The following CNGA1 variants were observed in gnomAD, a reference collection of about 807,000 sequenced individuals.
CNGA1 encodes cyclic nucleotide gated channel subunit alpha 1.
CNGA1 carries 53 observed loss-of-function variants against 69.7 expected under a neutral mutation model. That is an observed-to-expected ratio of 0.76 (90% CI 0.61 to 0.96). The LOEUF (loss-of-function observed/expected upper bound fraction) is 0.96, where lower values mean the gene tolerates loss of function less well. Among genes scored for constraint, CNGA1 ranks in the 40% least tolerant of loss-of-function variants. The pLI is 0.00. For synonymous variants in CNGA1, 249 were observed against 283.5 expected, an observed-to-expected ratio of 0.88 and a Z score of 1.22; for missense variants, 739 against 811.2, an observed-to-expected ratio of 0.91 and a Z score of 1.08.
intron 2 of CNGA1, among the ~76,000 whole-genome samples, chr4:47,996,897 C>A (rs189060572): frequency 7.9e-4 from 120 of 151,980 alleles, no homozygotes; most frequent in African/African-American, 2.4e-3. Flanking sequence ...TGCATCCCTA[C>A]GAAAATTTAA....
chr4:47,971,579 C>T (rs1026838939), intron 3 of CNGA1, among the ~76,000 whole-genome samples: 24 of 151,986 alleles, frequency 1.6e-4, no homozygotes, highest in African/African-American at 5.3e-4. Context: ...AAAAATAAAA[C>T]TTTATATTTA....
In CNGA1 at chr4:47,951,475, G is replaced by C; in HGVS notation, c.108-6C>G. On this transcript the variant is annotated splice_polypyrimidine_tract_variant and splice_region_variant and intron_variant, in intron 4 of 10. Coordinates refer to ENST00000514170, the MANE Select transcript of CNGA1 (RefSeq NM_001379270.1). ...CATCATCCTCAGAAAAGGAGCTACA[G>C]TCCAATAGGAGGCAGAGAGAGAAGA... 6.4e-7 allele frequency: 1 copy of C among 1,571,916 alleles called. No individual in the cohort carries two copies. The highest frequency in any genetic ancestry group is 8.8e-7 in the Non-Finnish European group (1 of 1,141,842).
chr4:47,956,845 A>G (rs898455740), intron 3 of CNGA1, among the ~76,000 whole-genome samples: 12 of 152,316 alleles, frequency 7.9e-5, no homozygotes, highest in Middle Eastern at 3.4e-3. Flanking sequence ...ATTTAGGAGA[A>G]ACATTAATGG....
chr4:47,950,657 A>C (rs749949001), intron 5 of CNGA1, among the ~76,000 whole-genome samples: 1 of 152,170 alleles, frequency 6.6e-6, no homozygotes, highest in Non-Finnish European at 1.5e-5. Context: ...AAGAAAAATA[A>C]GAAAAAGGAA....
At chr4:47,973,066 C>CTTTTTTTTT (rs3058684) in intron 3 of CNGA1, among the ~76,000 whole-genome samples, 1 of 120,282 alleles carries the variant, frequency 8.3e-6, no homozygotes, top group African/African-American at 3.2e-5. Flanking sequence ...AAAGCACCAT[C>CTTTTTTTTT]TTTTTTTTTT....
chr4:47,988,999 T>A (rs1837519), intron 2 of CNGA1, among the ~76,000 whole-genome samples: 26,633 of 151,946 alleles, frequency 0.18, 2,509 homozygotes, highest in Middle Eastern at 0.24. Flanking sequence ...AAAAGGATAT[T>A]ACATGCTAGA....
At chr4:47,995,859 C>A (rs1742455607) in intron 2 of CNGA1, among the ~76,000 whole-genome samples, 1 of 152,096 alleles carries the variant, frequency 6.6e-6, no homozygotes, top group Non-Finnish European at 1.5e-5. Context: ...GTACTCTCAC[C>A]CTTTTCCTAT....
intron 3 of CNGA1, among the ~76,000 whole-genome samples, chr4:47,967,102 A>G (rs1171156293): frequency 6.6e-6 from 1 of 152,170 alleles, no homozygotes; most frequent in African/African-American, 2.4e-5. Context: ...CAGGAGTTGG[A>G]GACCAACCTG....
intron 2 of CNGA1, among the ~76,000 whole-genome samples, chr4:47,992,095 T>A (rs779472662): frequency 1.8e-4 from 28 of 152,186 alleles, no homozygotes; most frequent in Non-Finnish European, 3.8e-4. Flanking sequence ...TGAAATCAGG[T>A]AATGTGATGC....
In CNGA1 at chr4:47,944,700, G is replaced by A. The variant is rs190915232; in HGVS notation, c.288-1288C>T. 2.0e-5 allele frequency among the ~76,000 whole-genome samples: 3 copies of A among 152,264 alleles called. No individual in the cohort carries two copies. In the East Asian group the frequency reaches 5.8e-4, roughly 29 times the overall value. ...GTGATGTGGAATGGGCTGGTGAGAG[G>A]GATATTATCAGCTTTGAGAAGTTCA... On this transcript the variant is annotated intron_variant, in intron 6 of 10. Transcript: ENST00000514170.
At chr4:47,938,314 GATAT>G (rs10558013) in intron 10 of CNGA1, among the ~76,000 whole-genome samples, 12 of 149,286 alleles carry the variant, frequency 8.0e-5, no homozygotes, top group Admixed American at 1.3e-4. Flanking sequence ...GATATTGTGA[GATAT>G]ATATATATAT....
intron 6 of CNGA1, among the ~76,000 whole-genome samples, chr4:47,945,117 C>A (rs984434043): frequency 6.6e-6 from 1 of 152,098 alleles, no homozygotes; most frequent in African/African-American, 2.4e-5. Context: ...AATCTCAGCA[C>A]TTTGGGAGGT....
chr4:48,008,480 T>A (rs1055446325), intron 2 of CNGA1, among the ~76,000 whole-genome samples: 1 of 152,208 alleles, frequency 6.6e-6, no homozygotes, highest in African/African-American at 2.4e-5. Flanking sequence ...CCACCTTTTT[T>A]AAAAGGACAC....
intron 3 of CNGA1, among the ~76,000 whole-genome samples, chr4:47,968,929 A>G (rs1740870468): frequency 6.6e-6 from 1 of 152,208 alleles, no homozygotes; most frequent in Admixed American, 6.5e-5. Context: ...CTACACAGAG[A>G]GAAAAAGTAA....
intron 3 of CNGA1, among the ~76,000 whole-genome samples, chr4:47,953,308 A>G (rs1739855928): frequency 6.6e-6 from 1 of 152,234 alleles, no homozygotes; most frequent in Non-Finnish European, 1.5e-5. Context: ...TAAAACATTT[A>G]TAAATTTGGA....
chr4:48,016,577 G>A lies in CNGA1; in HGVS notation c.-317C>T. The A allele has an allele frequency of 2.0e-6, 1 of 504,386 alleles. No individual in the cohort carries two copies. Among genetic ancestry groups the A allele is most frequent in the African/African-American group, 2.1e-5 (1 of 48,750 alleles). 31.2% of individuals were successfully genotyped at this position (504,386 alleles called of 1,614,324 possible). A position where few individuals can be genotyped will look rare whatever the true frequency, so the allele number is the denominator to read the frequency against. ...GCTCCAGCAGTCGCGCCAAGGGGCA[G>A]CTGCTACTCCTGCCAGATACACCAG... On this transcript the variant is annotated 5_prime_UTR_variant, in exon 1 of 11. Coordinates refer to ENST00000514170, the MANE Select transcript of CNGA1 (RefSeq NM_001379270.1).
Position 47,978,105 on chromosome 4 carries a change from C to T in CNGA1, c.-15+3288G>A, listed in dbSNP as rs569789844. Among the ~76,000 whole-genome samples the T allele has an allele frequency of 1.2e-4, 18 of 152,252 alleles. 1 individual carries two copies. The highest frequency in any genetic ancestry group is 1.9e-4 in the East Asian group (1 of 5,178). Reference sequence around the variant, plus strand: ...CCTCCCAAAGTGCTGTGATTACAGGCGTGAGCCACCGCGCCCAGCCCTAAG... The same window carrying T: ...CCTCCCAAAGTGCTGTGATTACAGGTGTGAGCCACCGCGCCCAGCCCTAAG... On this transcript the variant is annotated intron_variant, in intron 3 of 10. Coordinates refer to ENST00000514170, the MANE Select transcript of CNGA1 (RefSeq NM_001379270.1).
chr4:47,985,392 T>C (rs1467524651), intron 2 of CNGA1, among the ~76,000 whole-genome samples: 1 of 152,200 alleles, frequency 6.6e-6, no homozygotes, highest in Non-Finnish European at 1.5e-5. Flanking sequence ...GATGTGATTA[T>C]AATAAACATA....
intron 5 of CNGA1, among the ~76,000 whole-genome samples, chr4:47,950,320 C>T (rs572255058): frequency 7.2e-4 from 110 of 152,344 alleles, no homozygotes; most frequent in Non-Finnish European, 1.6e-4. Context: ...TGCACATGCT[C>T]TCTTGCCTGC....
Sources: gnomAD v4.1 joint callset for allele counts (sites outside exome capture counted in the v4.1 genomes callset) on GRCh38, gnomAD v4.1.1 for gene constraint, MANE v1.5 for transcripts, NCBI Gene and HGNC (gene_info 2026-07-23, HGNC 2026-07-21) for gene names.